EPB41L2: variants seen among roughly 807,000 people sequenced by gnomAD.
EPB41L2 encodes band 4.1-like protein 2.
In EPB41L2, 43 loss-of-function variants were observed where a neutral mutation model predicts 113.0. The ratio of observed to expected loss-of-function variants is 0.38; its 90% CI spans 0.30 to 0.49. The LOEUF is 0.49. Among genes scored for constraint, EPB41L2 ranks in the 20% least tolerant of loss-of-function variants. The probability of loss-of-function intolerance (pLI) is 0.95; values close to 1 mark genes in which losing one functional copy is unlikely to be tolerated. For missense variants in EPB41L2, 1,147 were observed against 1,223.4 expected (o/e 0.94, Z 0.93); for synonymous variants, 442 against 436.7 (o/e 1.01, Z -0.15).
At chr6:131,055,727 G>A (rs141186540) in intron 1 of EPB41L2, among the ~76,000 whole-genome samples, 46 of 152,214 alleles carry the variant, frequency 3.0e-4, no homozygotes, top group East Asian at 2.9e-3. Context: ...TTTCTCATCC[G>A]TAAAATAAGC....
intron 9 of EPB41L2, 144 bp from the exon 10 acceptor site, chr6:130,894,585 A>G (rs1793999867): frequency 2.8e-6 from 2 of 702,824 alleles, no homozygotes; most frequent in Admixed American, 2.8e-5. Context: ...ATAATCATAT[A>G]AAGATGAATT....
At chr6:130,865,124 G>A (rs1783310612) in intron 17 of EPB41L2, among the ~76,000 whole-genome samples, 1 of 152,192 alleles carries the variant, frequency 6.6e-6, no homozygotes. Context: ...CAGTATACTA[G>A]CGATCTTAAA....
chr6:131,051,461 A>AAAAC (rs1796521431), intron 1 of EPB41L2, among the ~76,000 whole-genome samples: 1 of 149,704 alleles, frequency 6.7e-6, no homozygotes, highest in South Asian at 2.1e-4. Context: ...GCAAAAAAAA[A>AAAAC]AAAAACACAC....
intron 1 of EPB41L2, among the ~76,000 whole-genome samples, chr6:131,030,312 A>AG (rs1275730066): frequency 6.6e-6 from 1 of 152,228 alleles, no homozygotes; most frequent in Non-Finnish European, 1.5e-5. Flanking sequence ...CTCTCAGAAA[A>AG]GCAACTACTT....
At position 130,908,838 on chromosome 6, in the gene EPB41L2, A is replaced by C. The variant is rs1279993832; in HGVS notation, c.836T>G (p.Ile279Arg). Residue 279 changes from isoleucine (I) to arginine (R), a missense_variant, in exon 5 of 20, where the codon ATA (isoleucine) becomes AGA (arginine). Coordinates refer to ENST00000337057, the MANE Select transcript of EPB41L2 (RefSeq NM_001431.4). Reference protein sequence around the residue: ...QKNWLDPAKEIKRQLRNLPWL... With the variant: ...QKNWLDPAKERKRQLRNLPWL... The stretch of plus-strand genomic sequence containing the variant: ...ATACTTACTTCTCAGTTGTCTCTTT[A>C]TTTCTTTAGCAGGATCTAACCAGTT... 1.2e-6 allele frequency: 2 copies of C among 1,603,468 alleles called. No homozygotes were observed. Among genetic ancestry groups the C allele is most frequent in the Non-Finnish European group, 1.7e-6 (2 of 1,173,464 alleles).
chr6:131,000,941 A>T (rs1784222498), intron 1 of EPB41L2, among the ~76,000 whole-genome samples: 1 of 151,482 alleles, frequency 6.6e-6, no homozygotes, highest in Non-Finnish European at 1.5e-5. Flanking sequence ...TTCCAGAGCC[A>T]AACAAAAACA....
chr6:130,988,796 G>A (rs573963050), intron 1 of EPB41L2, among the ~76,000 whole-genome samples: 39 of 152,278 alleles, frequency 2.6e-4, no homozygotes, highest in Non-Finnish European at 3.8e-4. Flanking sequence ...TGCTAAGAAT[G>A]AAGGAAAGGA....
intron 14 of EPB41L2, among the ~76,000 whole-genome samples, chr6:130,873,968 G>C (rs1339904725): frequency 2.6e-5 from 4 of 152,156 alleles, no homozygotes; most frequent in African/African-American, 9.7e-5. Context: ...TTGGGGAAGT[G>C]GGGGTGGGTG....
chr6:130,862,866 A>T (rs950142702), intron 18 of EPB41L2, among the ~76,000 whole-genome samples: 2 of 151,998 alleles, frequency 1.3e-5, no homozygotes, highest in Non-Finnish European at 2.9e-5. Context: ...GTTAGCTCCT[A>T]CTCCCCAGCT....
chr6:131,014,696 A>G (rs1030924023), intron 1 of EPB41L2, among the ~76,000 whole-genome samples: 23 of 152,150 alleles, frequency 1.5e-4, no homozygotes, highest in Admixed American at 1.3e-3. Context: ...CTGTCCAAAA[A>G]CCCCATACAC....
chr6:130,959,435 C>T (rs75710021), intron 1 of EPB41L2, among the ~76,000 whole-genome samples: 3,435 of 152,150 alleles, frequency 0.023, 127 homozygotes, highest in African/African-American at 0.079. Context: ...TCACCATCAA[C>T]ATATAAGGTG....
chr6:130,877,845 A>ACTAC (rs34127589), intron 14 of EPB41L2, among the ~76,000 whole-genome samples: 111,940 of 151,604 alleles, frequency 0.74, 41,751 homozygotes, highest in East Asian at 1. Context: ...ATTCATTACT[A>ACTAC]CAATTTACCT....
rs556037773 is a variant in EPB41L2, at chr6:131,008,376, T to A, written c.-14-51877A>T. ...GAGGTTTGGGAACTTCCACCTAGAT[T>A]TCAGAGGATGTATGGAAACACCTGG... On this transcript the variant is annotated intron_variant, in intron 1 of 19. Coordinates refer to ENST00000337057, the MANE Select transcript of EPB41L2 (RefSeq NM_001431.4). Among the ~76,000 whole-genome samples, 21 of 152,334 alleles carry A rather than the reference T, an allele frequency of 1.4e-4. No individual in the cohort carries two copies. In the East Asian group the frequency reaches 3.9e-3, roughly 28 times the overall value.
intron 1 of EPB41L2, among the ~76,000 whole-genome samples, chr6:130,987,695 AAATGAATG>A (rs3031721): frequency 0.041 from 6,052 of 148,260 alleles, 297 homozygotes; most frequent in East Asian, 0.26. Context: ...TCTGTCTCAT[AAATGAATG>A]AATGAATGAA....
intron 1 of EPB41L2, among the ~76,000 whole-genome samples, chr6:131,001,313 G>GAGGGCA (rs59620289): frequency 0.15 from 23,437 of 151,754 alleles, 1,889 homozygotes; most frequent in African/African-American, 0.18. Flanking sequence ...GAGCAAGAGA[G>GAGGGCA]AGGGCAAGGG....
At chr6:130,863,822 G>T (rs925028134) in intron 17 of EPB41L2, 104 bp from the exon 18 acceptor site, 6 of 692,060 alleles carry the variant, frequency 8.7e-6, no homozygotes, top group Non-Finnish European at 1.5e-5. Flanking sequence ...GTGGATCATT[G>T]TAAGGCCACA....
At chr6:131,028,246 CA>C (rs1389579628) in intron 1 of EPB41L2, among the ~76,000 whole-genome samples, 2 of 152,122 alleles carry the variant, frequency 1.3e-5, no homozygotes, top group African/African-American at 2.4e-5. Context: ...GAGTATATGC[CA>C]AACAAGCCTT....
intron 1 of EPB41L2, among the ~76,000 whole-genome samples, chr6:130,995,317 T>A (rs1007181107): frequency 3.3e-5 from 5 of 150,630 alleles, no homozygotes; most frequent in Admixed American, 6.6e-5. Context: ...CCTGGGCGAC[T>A]AAGCGAGACT....
chr6:130,939,049 C>A (rs1392692284), intron 3 of EPB41L2, among the ~76,000 whole-genome samples: 2 of 151,864 alleles, frequency 1.3e-5, no homozygotes, highest in Admixed American at 1.3e-4. Context: ...AGTGTGAAAC[C>A]CAACCATGAA....
Sources: gnomAD v4.1 joint callset for allele counts (sites outside exome capture counted in the v4.1 genomes callset) on GRCh38, gnomAD v4.1.1 for gene constraint, MANE v1.5 for transcripts, NCBI Gene and HGNC (gene_info 2026-07-23, HGNC 2026-07-21) for gene names.